Variants in KCNB2 observed in about 807,000 individuals in gnomAD.
KCNB2 encodes the protein delayed rectifier potassium channel protein.
A neutral mutation model predicts 61.5 loss-of-function variants in KCNB2; 15 were observed. The observed-to-expected ratio is 0.24, with a 90% CI of 0.16 to 0.38. KCNB2 has a LOEUF of 0.38. Ranked by LOEUF, KCNB2 falls within the 10% of genes least tolerant of loss-of-function variation. The probability of loss-of-function intolerance (pLI) is 1.00; values close to 1 mark genes in which losing one functional copy is unlikely to be tolerated. For synonymous variants in KCNB2, 457 were observed against 446.0 expected (o/e 1.02, Z -0.31); for missense variants, 828 against 1,125.2 (o/e 0.74, Z 3.78).
intron 2 of KCNB2, among the ~76,000 whole-genome samples, chr8:72,705,939 G>A (rs1157474275): frequency 1.3e-5 from 2 of 152,192 alleles, no homozygotes; most frequent in Admixed American, 1.3e-4. Context: ...GACAAGAAGA[G>A]GACCAGGTTC....
Position 72,643,820 on chromosome 8 carries a change from G to C in KCNB2, c.579+75507G>C, listed in dbSNP as rs189121390. Among the ~76,000 whole-genome samples the C allele has an allele frequency of 2.3e-3, 348 of 152,176 alleles. 1 individual carries two copies. The highest frequency in any genetic ancestry group is 7.7e-3 in the African/African-American group (321 of 41,532). On this transcript the variant is annotated intron_variant, in intron 2 of 2. Transcript: ENST00000523207. ...CCATTTCTCTTTGCTCTGAGCAAAG[G>C]CTTGTAGAGAAAAGTTGTAAGGAAA...
intron 2 of KCNB2, among the ~76,000 whole-genome samples, chr8:72,935,733 A>G (rs753360393): frequency 6.6e-6 from 1 of 152,122 alleles, no homozygotes; most frequent in Non-Finnish European, 1.5e-5. Context: ...GGAAGGGGGG[A>G]ATGGAATTTA....
intron 2 of KCNB2, among the ~76,000 whole-genome samples, chr8:72,757,070 G>A (rs1808302021): frequency 6.6e-6 from 1 of 152,084 alleles, no homozygotes; most frequent in Non-Finnish European, 1.5e-5. Context: ...GATTATCTTA[G>A]GAGAGCAAGT....
At chr8:72,916,420 T>A (rs527327251) in intron 2 of KCNB2, among the ~76,000 whole-genome samples, 5 of 152,020 alleles carry the variant, frequency 3.3e-5, no homozygotes, top group Admixed American at 3.3e-4. Flanking sequence ...GGAGCACAGG[T>A]GAGAGGAGCC....
Position 72,937,666 on chromosome 8 carries a change from A to G in KCNB2, c.2311A>G (p.Thr771Ala). The G allele has an allele frequency of 6.2e-7, 1 of 1,614,020 alleles. No homozygotes were observed. The highest frequency in any genetic ancestry group is 2.2e-5 in the East Asian group (1 of 44,838). ...PSQGDRPLLG[T>A]EVSAPCQGPS... ...CCAGGGAGACAGACCCTTGCTGGGC[A>G]CTGAGGTTTCAGCGCCTTGTCAGGG... Residue 771 changes from threonine to alanine, a missense_variant, in exon 3 of 3, where the codon ACT becomes GCT. Transcript: ENST00000523207.
At chr8:72,578,834 C>T (rs546464192) in intron 2 of KCNB2, among the ~76,000 whole-genome samples, 1 of 152,160 alleles carries the variant, frequency 6.6e-6, no homozygotes, top group Non-Finnish European at 1.5e-5. Context: ...AATGCCAAAG[C>T]TTTGATGAGC....
intron 2 of KCNB2, among the ~76,000 whole-genome samples, chr8:72,683,945 T>G (rs1806805979): frequency 6.6e-6 from 1 of 152,150 alleles, no homozygotes; most frequent in Non-Finnish European, 1.5e-5. Context: ...AGTTTATACT[T>G]TTTCCCTTGA....
At chr8:72,898,206 A>G (rs572292383) in intron 2 of KCNB2, among the ~76,000 whole-genome samples, 5 of 152,108 alleles carry the variant, frequency 3.3e-5, no homozygotes, top group Non-Finnish European at 5.9e-5. Context: ...AACACCTTTA[A>G]CATTGGAAAG....
At chr8:72,650,144 G>T (rs950461432) in intron 2 of KCNB2, among the ~76,000 whole-genome samples, 2 of 152,144 alleles carry the variant, frequency 1.3e-5, no homozygotes, top group African/African-American at 4.8e-5. Context: ...ATATGTGTTT[G>T]TGGGGAAAAA....
chr8:72,790,549 G>A (rs1808923758), intron 2 of KCNB2, among the ~76,000 whole-genome samples: 1 of 152,154 alleles, frequency 6.6e-6, no homozygotes, highest in Non-Finnish European at 1.5e-5. Context: ...AGGAGGAAAT[G>A]CAGGCCTTGA....
At chr8:72,918,825 TATA>T (rs1465494799) in intron 2 of KCNB2, among the ~76,000 whole-genome samples, 1 of 152,160 alleles carries the variant, frequency 6.6e-6, no homozygotes, top group African/African-American at 2.4e-5. Context: ...GCTATTGTAA[TATA>T]ATGTGTTTAG....
chr8:72,861,386 T>C (rs747521183), intron 2 of KCNB2, among the ~76,000 whole-genome samples: 1 of 152,200 alleles, frequency 6.6e-6, no homozygotes, highest in Non-Finnish European at 1.5e-5. Flanking sequence ...TGCTGTCTAG[T>C]TCCTCTTACC....
intron 1 of KCNB2, among the ~76,000 whole-genome samples, chr8:72,565,567 C>T (rs549415022): frequency 6.6e-6 from 1 of 152,000 alleles, no homozygotes; most frequent in African/African-American, 2.4e-5. Context: ...ATCAGAATAA[C>T]AGATCAATAA....
intron 2 of KCNB2, among the ~76,000 whole-genome samples, chr8:72,921,689 T>C (rs1049035637): frequency 4.6e-5 from 7 of 152,176 alleles, no homozygotes; most frequent in African/African-American, 1.4e-4. Context: ...ATTCCACTGG[T>C]GTAAGTGATT....
chr8:72,708,905 T>C (rs1362788082), intron 2 of KCNB2, among the ~76,000 whole-genome samples: 1 of 152,204 alleles, frequency 6.6e-6, no homozygotes, highest in Non-Finnish European at 1.5e-5. Flanking sequence ...CAGCCTTAGT[T>C]ACATGAGAGA....
At chr8:72,695,741 A>G (rs1166536364) in intron 2 of KCNB2, among the ~76,000 whole-genome samples, 1 of 152,096 alleles carries the variant, frequency 6.6e-6, no homozygotes, top group African/African-American at 2.4e-5. Context: ...CATCAAATGT[A>G]TTTCCTGAAA....
chr8:72,882,259 C>G (rs1451729637), intron 2 of KCNB2, among the ~76,000 whole-genome samples: 2 of 152,230 alleles, frequency 1.3e-5, no homozygotes, highest in East Asian at 3.9e-4. Flanking sequence ...CCACTCTGGC[C>G]CTTGGTTTCC....
intron 2 of KCNB2, among the ~76,000 whole-genome samples, chr8:72,626,915 C>T (rs946926956): frequency 2.5e-4 from 38 of 152,260 alleles, no homozygotes; most frequent in African/African-American, 8.7e-4. Flanking sequence ...GGCAAGATAT[C>T]GACATGCATC....
intron 2 of KCNB2, among the ~76,000 whole-genome samples, chr8:72,922,298 A>C (rs11995423): frequency 6.6e-6 from 1 of 151,972 alleles, no homozygotes; most frequent in Admixed American, 6.6e-5. Context: ...ATATGACCTC[A>C]TCATAACTAA....
Sources: allele counts gnomAD v4.1 joint callset (sites outside exome capture counted in the v4.1 genomes callset), GRCh38; gene constraint gnomAD v4.1.1; transcripts MANE v1.5; gene names NCBI Gene and HGNC (gene_info 2026-07-23, HGNC 2026-07-21).